Variants in CCDC178 observed in about 807,000 individuals in gnomAD.
CCDC178 encodes the protein coiled-coil domain containing 178, also known as coiled-coil domain-containing protein 178.
CCDC178 carries 126 observed loss-of-function variants against 117.4 expected under a neutral mutation model. That is an observed-to-expected ratio of 1.07 (90% CI 0.93 to 1.24). CCDC178 has a LOEUF of 1.24. Ranked by LOEUF, CCDC178 falls within the 50% of genes most tolerant of loss-of-function variation. CCDC178 has a pLI of 0.00. For missense variants in CCDC178, 1,030 were observed against 986.9 expected (o/e 1.04, Z -0.59); for synonymous variants, 283 against 313.4 (o/e 0.90, Z 1.02).
chr18:33,036,926 G>A (rs1352959579), intron 21 of CCDC178, among the ~76,000 whole-genome samples: 2 of 151,844 alleles, frequency 1.3e-5, no homozygotes, highest in East Asian at 1.9e-4. Flanking sequence ...TTCAAAACTG[G>A]TTTAGGATAT....
chr18:33,271,821 T>C (rs1393610032), intron 12 of CCDC178, among the ~76,000 whole-genome samples: 1 of 151,354 alleles, frequency 6.6e-6, no homozygotes, highest in Non-Finnish European at 1.5e-5. Context: ...AACCAACAAG[T>C]ATAAGAAGAA....
At chr18:32,945,248 T>A (rs943399853) in intron 22 of CCDC178, among the ~76,000 whole-genome samples, 2 of 152,200 alleles carry the variant, frequency 1.3e-5, no homozygotes, top group African/African-American at 2.4e-5. Context: ...CTTGCATATA[T>A]AAGAATATTT....
intron 7 of CCDC178, among the ~76,000 whole-genome samples, chr18:33,353,002 G>C (rs2062998166): frequency 6.6e-6 from 1 of 151,866 alleles, no homozygotes; most frequent in African/African-American, 2.4e-5. Flanking sequence ...TTGGAAGTGG[G>C]GGCATTAAAT....
chr18:33,174,586 T>C (rs898564376), intron 20 of CCDC178, among the ~76,000 whole-genome samples: 2 of 152,138 alleles, frequency 1.3e-5, no homozygotes, highest in African/African-American at 4.8e-5. Context: ...CATGAGACAC[T>C]TCTGAAACCC....
Position 32,937,702 on chromosome 18 carries a change from C to T in CCDC178, c.*309G>A, listed in dbSNP as rs1036518584. The T allele has an allele frequency of 1.3e-5, 4 of 303,220 alleles. 1 individual carries two copies. The highest frequency in any genetic ancestry group is 1.9e-3 in the Middle Eastern group (2 of 1,030). The allele number at this position is 303,220 out of a possible 1,614,324, so 18.8% of individuals were successfully genotyped here. ...GGAAGCGAACAGTCACTGTCAACAC[C>T]GCCAGTAATTATTCTCTCTTCCAAT... On this transcript the variant is annotated 3_prime_UTR_variant, in exon 23 of 23. Coordinates refer to ENST00000383096, the MANE Select transcript of CCDC178 (RefSeq NM_001105528.4).
intron 21 of CCDC178, among the ~76,000 whole-genome samples, chr18:33,043,613 T>TA (rs2056588978): frequency 6.6e-6 from 1 of 152,076 alleles, no homozygotes; most frequent in South Asian, 2.1e-4. Flanking sequence ...ATTTATATCT[T>TA]AAAAACAAAA....
chr18:33,201,836 G>A (rs2058992673), intron 20 of CCDC178, among the ~76,000 whole-genome samples: 1 of 152,130 alleles, frequency 6.6e-6, no homozygotes, highest in African/African-American at 2.4e-5. Context: ...CTAACTTAGA[G>A]CCCGGTGACA....
intron 7 of CCDC178, among the ~76,000 whole-genome samples, chr18:33,352,397 GTA>G (rs1313811500): frequency 1.3e-5 from 2 of 152,014 alleles, no homozygotes; most frequent in Non-Finnish European, 2.9e-5. Context: ...TTGATTCTGT[GTA>G]CTGTTTTTCT....
chr18:33,032,749 T>A (rs2056368494), intron 21 of CCDC178, among the ~76,000 whole-genome samples: 2 of 152,030 alleles, frequency 1.3e-5, no homozygotes, highest in African/African-American at 4.8e-5. Context: ...TTAGTTTGGG[T>A]ACAGATTTGG....
At chr18:33,416,290 G>A (rs1215338539) in intron 2 of CCDC178, among the ~76,000 whole-genome samples, 3 of 152,120 alleles carry the variant, frequency 2.0e-5, no homozygotes, top group Non-Finnish European at 2.9e-5. Flanking sequence ...AGCCGGGCGT[G>A]GTGGCGGGCG....
chr18:33,367,596 GGTTA>G (rs1568179613), intron 6 of CCDC178, among the ~76,000 whole-genome samples: 3 of 151,748 alleles, frequency 2.0e-5, no homozygotes, highest in African/African-American at 2.4e-5. Context: ...TATTGTGATA[GGTTA>G]GTCAGAAAAA....
At chr18:33,379,510 G>T (rs2063412917) in intron 5 of CCDC178, among the ~76,000 whole-genome samples, 1 of 152,054 alleles carries the variant, frequency 6.6e-6, no homozygotes, top group African/African-American at 2.4e-5. Flanking sequence ...CTCTAGATGG[G>T]CAGGACACTC....
chr18:33,009,848 T>C (rs1232871732), intron 21 of CCDC178, among the ~76,000 whole-genome samples: 2 of 152,158 alleles, frequency 1.3e-5, no homozygotes, highest in Admixed American at 6.5e-5. Context: ...TGAATGCTTA[T>C]TTGAAAGGAA....
At chr18:33,353,923 C>T (rs184963530) in intron 7 of CCDC178, among the ~76,000 whole-genome samples, 23 of 152,194 alleles carry the variant, frequency 1.5e-4, no homozygotes, top group African/African-American at 5.3e-4. Flanking sequence ...TCTCTAGTGT[C>T]GTTTCATTTC....
intron 20 of CCDC178, among the ~76,000 whole-genome samples, chr18:33,203,421 G>A (rs1271987248): frequency 6.6e-6 from 1 of 151,918 alleles, no homozygotes; most frequent in African/African-American, 2.4e-5. Flanking sequence ...AACTGCATTT[G>A]CCTTTCTTGT....
At chr18:33,201,355 T>A (rs912826804) in intron 20 of CCDC178, among the ~76,000 whole-genome samples, 4 of 152,238 alleles carry the variant, frequency 2.6e-5, no homozygotes, top group African/African-American at 4.8e-5. Context: ...TACTTGCCCC[T>A]TTCATCTTTA....
chr18:33,417,789 C>T (rs1247302569), intron 2 of CCDC178, among the ~76,000 whole-genome samples: 1 of 152,000 alleles, frequency 6.6e-6, no homozygotes, highest in African/African-American at 2.4e-5. Flanking sequence ...CAAGACTGAA[C>T]CAGGAAGAGA....
intron 20 of CCDC178, among the ~76,000 whole-genome samples, chr18:33,114,024 G>GA (rs1048156947): frequency 4.6e-5 from 7 of 151,850 alleles, no homozygotes; most frequent in African/African-American, 7.3e-5. Context: ...CAGGAAAAAA[G>GA]AAAAAACAGT....
At chr18:32,967,151 CTG>C (rs2054831598) in intron 22 of CCDC178, among the ~76,000 whole-genome samples, 1 of 151,600 alleles carries the variant, frequency 6.6e-6, no homozygotes, top group Non-Finnish European at 1.5e-5. Flanking sequence ...CTCCCTTAAT[CTG>C]TGTTTATATT....
Sources: allele counts gnomAD v4.1 joint callset (sites outside exome capture counted in the v4.1 genomes callset), GRCh38; gene constraint gnomAD v4.1.1; transcripts MANE v1.5; gene names NCBI Gene and HGNC (gene_info 2026-07-23, HGNC 2026-07-21).